Variants in TANGO2 observed in about 807,000 individuals in gnomAD.
The protein encoded by TANGO2 is transport and golgi organization 2 homolog, also known as transport and Golgi organization protein 2 homolog.
TANGO2 carries 26 observed loss-of-function variants against 39.1 expected under a neutral mutation model. The observed-to-expected ratio is 0.67, with a 90% CI of 0.49 to 0.92. The LOEUF is 0.92. Ranked by LOEUF, TANGO2 falls within the 40% of genes least tolerant of loss-of-function variation. The pLI is 0.00. For missense variants in TANGO2, 326 were observed against 360.1 expected, an observed-to-expected ratio of 0.91 and a Z score of 0.77; for synonymous variants, 131 against 144.5, an observed-to-expected ratio of 0.91 and a Z score of 0.67.
upstream of TANGO2, among the ~76,000 whole-genome samples, chr22:20,017,554 G>C (rs1228381371): frequency 1.3e-5 from 2 of 152,146 alleles, no homozygotes; most frequent in Non-Finnish European, 2.9e-5. Context: ...CCCCCCATGG[G>C]GCCGCCCTTT....
intron 1 of TANGO2, among the ~76,000 whole-genome samples, chr22:20,034,173 T>A (rs2531709): frequency 8.6e-5 from 13 of 150,752 alleles, no homozygotes; most frequent in South Asian, 4.2e-4. Flanking sequence ...CCAGCCAGCC[T>A]GGGCAACAGG....
At chr22:20,029,675 G>A (rs1234154701) in intron 1 of TANGO2, among the ~76,000 whole-genome samples, 2 of 152,170 alleles carry the variant, frequency 1.3e-5, no homozygotes, top group Admixed American at 6.5e-5. Flanking sequence ...TGAGGCTGGT[G>A]GCATTTGCAG....
intron 7 of TANGO2, among the ~76,000 whole-genome samples, chr22:20,062,250 G>A (rs558364408): frequency 2.0e-5 from 3 of 152,288 alleles, no homozygotes; most frequent in East Asian, 1.9e-4. Flanking sequence ...TGGGGTCTTC[G>A]TTGCCCCAGC....
intron 8 of TANGO2, 81 bp from the exon 9 acceptor site, chr22:20,064,461 A>G: frequency 3.2e-6 from 5 of 1,572,732 alleles, no homozygotes; most frequent in South Asian, 1.1e-5. Flanking sequence ...ACCTGCCTGC[A>G]TTCTTGCCCT....
chr22:20,019,418 CCTG>C (rs2039409381), upstream of TANGO2: 1 of 152,274 alleles, frequency 6.6e-6, no homozygotes, highest in Non-Finnish European at 1.5e-5. Flanking sequence ...TCTGCCGTCA[CCTG>C]CTTCCTGGCA....
intron 1 of TANGO2, among the ~76,000 whole-genome samples, chr22:20,033,399 C>T (rs899426833): frequency 2.0e-5 from 3 of 152,232 alleles, no homozygotes; most frequent in Non-Finnish European, 2.9e-5. Context: ...TGGGGTCCTG[C>T]AGCTGAACTG....
At chr22:20,041,985 C>CTTT (rs769326660) in intron 2 of TANGO2, among the ~76,000 whole-genome samples, 2 of 141,900 alleles carry the variant, frequency 1.4e-5, no homozygotes, top group African/African-American at 5.1e-5. Flanking sequence ...TCAGCCATCA[C>CTTT]TTTTTTTTTT....
Position 20,036,610 on chromosome 22 carries a change from G to T in TANGO2, c.-39-150G>T. The T allele has an allele frequency of 1.5e-6, 1 of 686,214 alleles. No homozygotes were observed. Among genetic ancestry groups the T allele is most frequent in the Admixed American group, 2.4e-5 (1 of 42,476 alleles). 42.5% of individuals were successfully genotyped at this position (686,214 alleles called of 1,614,324 possible). A position where few individuals can be genotyped will look rare whatever the true frequency, so the allele number is the denominator to read the frequency against. ...GTTTGGGAGTTGTTTGTGTGGCACC[G>T]GCCAAGAGTGTGGTGTCCAGTTCCC... On this transcript the variant is annotated intron_variant, in intron 1 of 8. Transcript: ENST00000327374.
At chr22:20,063,295 G>A in intron 7 of TANGO2, 43 bp from the exon 8 acceptor site, 3 of 1,590,052 alleles carry the variant, frequency 1.9e-6, no homozygotes, top group Non-Finnish European at 2.6e-6. Context: ...CTGCGGGCGG[G>A]CCACAGAGGG....
chr22:20,033,288 G>A (rs764256086), intron 1 of TANGO2: 87 of 505,580 alleles, frequency 1.7e-4, no homozygotes, highest in Non-Finnish European at 2.4e-4. Flanking sequence ...CAGGCTGTCC[G>A]GAGATCTGTT....
chr22:20,025,331 G>A (rs2040526672), intron 1 of TANGO2, among the ~76,000 whole-genome samples: 1 of 151,882 alleles, frequency 6.6e-6, no homozygotes, highest in South Asian at 2.1e-4. Flanking sequence ...GACCTCAGGT[G>A]ATCCACCCAC....
intron 8 of TANGO2, among the ~76,000 whole-genome samples, chr22:20,063,862 C>T (rs1164720581): frequency 6.6e-6 from 1 of 152,248 alleles, no homozygotes; most frequent in African/African-American, 2.4e-5. Flanking sequence ...ATAGGCTCAT[C>T]TTCCTGTGTG....
At chr22:20,019,028 G>A (rs1053843721), upstream of TANGO2, among the ~76,000 whole-genome samples, 5 of 152,066 alleles carry the variant, frequency 3.3e-5, no homozygotes, top group African/African-American at 9.7e-5. Context: ...AGGTTGCAGT[G>A]AGCTGAAATT....
At position 20,026,125 on chromosome 22, in the gene TANGO2, C is replaced by G. The variant is rs184115406; in HGVS notation, c.-40+4879C>G. Among the ~76,000 whole-genome samples the G allele has an allele frequency of 4.6e-5, 7 of 152,278 alleles. No homozygotes were observed. In the East Asian group the frequency reaches 1.2e-3, roughly 25 times the overall value. On this transcript the variant is annotated intron_variant, in intron 1 of 8. Transcript: ENST00000327374. ...ATCCAAGAGCTTCACCAAGGCTGGG[C>G]GGGGTGGCTCACGCCTATAATCCCA... is the stretch of plus-strand genomic sequence containing the variant.
upstream of TANGO2, among the ~76,000 whole-genome samples, chr22:20,018,927 CA>C (rs1207840521): frequency 2.6e-5 from 4 of 151,722 alleles, no homozygotes; most frequent in South Asian, 4.2e-4. Context: ...TAAAAGAATA[CA>C]AAAAAAAGTA....
rs1172658590 is a variant in TANGO2 at position 20,057,593 on chromosome 22, C to T, written c.451+1580C>T. Among the ~76,000 whole-genome samples, 2 of 152,214 alleles carry T rather than the reference C, an allele frequency of 1.3e-5. No individual in the cohort carries two copies. Among genetic ancestry groups the T allele is most frequent in the African/African-American group, 4.8e-5 (2 of 41,456 alleles). On this transcript the variant is annotated intron_variant, in intron 6 of 8. Transcript: ENST00000327374. This position sits in a 1 kb window ranked among gnomAD's most constrained non-coding sequence, Gnocchi z 4.1. The stretch of plus-strand genomic sequence containing the variant: ...GCAGTGGCACAGACACAGAGACTAC[C>T]AGCGAGGCAGGGATGTGGCCCCAGA...
At position 20,064,804 on chromosome 22, in the gene TANGO2, C is replaced by A; in HGVS notation, c.*142C>A. 2 of 1,075,002 alleles carry A rather than the reference C, an allele frequency of 1.9e-6. No individual in the cohort carries two copies. Among genetic ancestry groups the A allele is most frequent in the Non-Finnish European group, 2.6e-6 (2 of 764,622 alleles). The allele number at this position is 1,075,002 out of a possible 1,614,324, so 66.6% of individuals were successfully genotyped here. A position where few individuals can be genotyped will look rare whatever the true frequency, so the allele number is the denominator to read the frequency against. ...CCCCGGATCAGGGCCCTGTGGTTTG[C>A]GTGTTACCCATCTGTGTCCCCATGC... On this transcript the variant is annotated 3_prime_UTR_variant, in exon 9 of 9. Transcript: ENST00000327374.
At chr22:20,048,633 A>C (rs1052118882) in intron 3 of TANGO2, among the ~76,000 whole-genome samples, 6 of 151,684 alleles carry the variant, frequency 4.0e-5, no homozygotes, top group Admixed American at 6.6e-5. Flanking sequence ...ATGATAGCTT[A>C]TGGTGAGCAG....
intron 3 of TANGO2, among the ~76,000 whole-genome samples, chr22:20,045,164 G>A (rs2044875915): frequency 6.6e-6 from 1 of 152,008 alleles, no homozygotes; most frequent in Admixed American, 6.6e-5. Flanking sequence ...ACCCTGGGCC[G>A]GTGGCTCACA....
Sources: gnomAD v4.1 joint callset for allele counts (sites outside exome capture counted in the v4.1 genomes callset) on GRCh38, gnomAD v4.1.1 for gene constraint, Gnocchi (gnomAD v3.1) non-coding constraint, MANE v1.5 for transcripts, NCBI Gene and HGNC (gene_info 2026-07-23, HGNC 2026-07-21) for gene names.